Variants in COL4A2 observed in about 807,000 individuals in gnomAD.
The protein encoded by COL4A2 is collagen type IV alpha 2 chain.
COL4A2 carries 99 observed loss-of-function variants against 200.2 expected under a neutral mutation model. The ratio of observed to expected loss-of-function variants is 0.49; its 90% CI spans 0.42 to 0.58. COL4A2 has a LOEUF of 0.58. COL4A2 is among the 20% of genes least tolerant of loss of function. The pLI, the probability that COL4A2 is intolerant of heterozygous loss-of-function variation, is 0.00. For synonymous variants in COL4A2, 897 were observed against 900.6 expected (o/e 1.00, Z 0.07); for missense variants, 1,950 against 2,314.1 (o/e 0.84, Z 3.23).
chr13:110,443,392 C>T (rs1205245427), intron 16 of COL4A2, among the ~76,000 whole-genome samples: 2 of 152,186 alleles, frequency 1.3e-5, no homozygotes, highest in Non-Finnish European at 2.9e-5. Flanking sequence ...AAAAGCCTAG[C>T]CATACATTCT....
chr13:110,436,681 C>T lies in COL4A2; in HGVS notation c.825+314C>T, dbSNP rs75117720. On this transcript the variant is annotated intron_variant, in intron 13 of 47. Coordinates refer to ENST00000360467, the MANE Select transcript of COL4A2 (RefSeq NM_001846.4). Reference sequence around the variant, plus strand: ...TGTAGGTGGAGGCTAATGGTCATACCGTAATTCAAAGCCAGAATCATGGAA... The same window carrying T: ...TGTAGGTGGAGGCTAATGGTCATACTGTAATTCAAAGCCAGAATCATGGAA... Among the ~76,000 whole-genome samples, 503 of 151,490 alleles carry T rather than the reference C, an allele frequency of 3.3e-3. 2 individuals carry two copies. The highest frequency in any genetic ancestry group is 0.012 in the African/African-American group (486 of 41,236).
Position 110,307,933 on chromosome 13 carries a change from C to T in COL4A2, c.30C>T (p.Gly10=). The T allele has an allele frequency of 6.2e-7, 1 of 1,612,978 alleles. No individual in the cohort carries two copies. The highest frequency in any genetic ancestry group is 8.5e-7 in the Non-Finnish European group (1 of 1,179,724). ...GGAGAGACCAGCGCGCGGTGGCCGGCCCTGCCCTACGGCGGTAAGCGACTT... is the reference window on the plus strand; with the variant it reads ...GGAGAGACCAGCGCGCGGTGGCCGGTCCTGCCCTACGGCGGTAAGCGACTT... The part of the protein sequence containing the change: MGRDQRAVA[G]PALRRWLLLG... Residue 10 remains glycine, a synonymous_variant, in exon 2 of 48, where the codon GGC becomes GGT. Coordinates refer to ENST00000360467, the MANE Select transcript of COL4A2 (RefSeq NM_001846.4). The surrounding 1 kb of genome is among the most constrained non-coding windows in gnomAD (Gnocchi z 5.0).
chr13:110,402,310 G>C (rs1879399278), intron 4 of COL4A2, among the ~76,000 whole-genome samples: 1 of 152,184 alleles, frequency 6.6e-6, no homozygotes, highest in South Asian at 2.1e-4. Flanking sequence ...ACAGGCATAA[G>C]ACAGACATTT....
chr13:110,347,979 G>A (rs1329253490), intron 3 of COL4A2, among the ~76,000 whole-genome samples: 2 of 152,224 alleles, frequency 1.3e-5, no homozygotes, highest in African/African-American at 2.4e-5. Flanking sequence ...CATTCCTCAG[G>A]TATTCGTCTG....
chr13:110,503,883 G>T lies in COL4A2; in HGVS notation c.4175G>T (p.Gly1392Val). ...ACTGTGGGAGCCCCCGGGATTGCAG[G>T]AATCCCCCAGAAGATTGCCGTCCAA... ...PGTVGAPGIA[G>V]IPQKIAVQPG... The change falls in exon 44 of 48, where the codon GGA becomes GTA. Residue 1392 changes from glycine to valine, a missense_variant. Around this residue, in one of 2 missense-constraint regions of COL4A2, gnomAD observed 1,385 missense variants for 1,720.5 expected, o/e 0.80. Transcript: ENST00000360467. 1 of 1,613,768 alleles carries T rather than the reference G, an allele frequency of 6.2e-7. No homozygotes were observed. Among genetic ancestry groups the T allele is most frequent in the South Asian group, 1.1e-5 (1 of 91,048 alleles).
Position 110,308,065 on chromosome 13 carries a change from G to T in COL4A2, c.45-4G>T. On this transcript the variant is annotated splice_region_variant and splice_polypyrimidine_tract_variant and intron_variant, in intron 2 of 47. Coordinates refer to ENST00000360467, the MANE Select transcript of COL4A2 (RefSeq NM_001846.4). Reference sequence around the variant, plus strand: ...ACGTCTCTCTTCCTCCCTTTCCCATGCAGGTGGCTGCTGCTGGGGACAGTG... The same window carrying T: ...ACGTCTCTCTTCCTCCCTTTCCCATTCAGGTGGCTGCTGCTGGGGACAGTG... The T allele has an allele frequency of 6.2e-7, 1 of 1,613,776 alleles. No homozygotes were observed. Among genetic ancestry groups the T allele is most frequent in the African/African-American group, 1.3e-5 (1 of 75,056 alleles).
chr13:110,365,106 AG>A (rs1391398558), intron 4 of COL4A2, among the ~76,000 whole-genome samples: 1 of 151,866 alleles, frequency 6.6e-6, no homozygotes, highest in Non-Finnish European at 1.5e-5. Context: ...TGCCTGTGTT[AG>A]GGGCCAAGTT....
chr13:110,506,588 G>A lies in COL4A2; in HGVS notation c.4576G>A (p.Ala1526Thr). 6.2e-7 allele frequency: 1 copy of A among 1,612,140 alleles called. No homozygotes were observed. The change falls in exon 46 of 48, where the codon GCG becomes ACG. Residue 1526 changes from alanine (A) to threonine (T), a missense_variant. Transcript: ENST00000360467. ...GCTGTACTTCGAGGGCCAGGAGAAGGCGCACAACCAGGACCTGGGTAGGTA... is the reference window on the plus strand; with the variant it reads ...GCTGTACTTCGAGGGCCAGGAGAAGACGCACAACCAGGACCTGGGTAGGTA... Reference protein sequence around the residue: ...SLLYFEGQEKAHNQDLGLAGS... With the variant: ...SLLYFEGQEKTHNQDLGLAGS...
intron 4 of COL4A2, among the ~76,000 whole-genome samples, chr13:110,409,182 TAC>T (rs1879732307): frequency 6.6e-6 from 1 of 151,550 alleles, no homozygotes; most frequent in Non-Finnish European, 1.5e-5. Flanking sequence ...TGTACACACA[TAC>T]ACGCACATAT....
intron 22 of COL4A2, among the ~76,000 whole-genome samples, chr13:110,461,356 T>C (rs1882019196): frequency 6.6e-6 from 1 of 152,230 alleles, no homozygotes; most frequent in African/African-American, 2.4e-5. Flanking sequence ...CGTGGATCCC[T>C]GGGGCCTCTG....
chr13:110,312,483 A>G (rs891469853), intron 3 of COL4A2, among the ~76,000 whole-genome samples: 1 of 152,240 alleles, frequency 6.6e-6, no homozygotes, highest in Non-Finnish European at 1.5e-5. Flanking sequence ...TGTAGTTTAA[A>G]TAATAGAGAA....
chr13:110,319,866 G>T (rs1885233552), intron 3 of COL4A2, among the ~76,000 whole-genome samples: 1 of 152,126 alleles, frequency 6.6e-6, no homozygotes, highest in Admixed American at 6.5e-5. Context: ...GATTTCCTTA[G>T]TCTTAGTCAT....
At chr13:110,432,302 C>A in intron 10 of COL4A2, 23 bp from the exon 11 acceptor site, 1 of 1,598,608 alleles carries the variant, frequency 6.3e-7, no homozygotes, top group Non-Finnish European at 8.5e-7. Flanking sequence ...AAACCATTTA[C>A]ACATTTCTTT....
chr13:110,413,535 G>A (rs1047445720), intron 4 of COL4A2, among the ~76,000 whole-genome samples: 6 of 152,242 alleles, frequency 3.9e-5, no homozygotes, highest in Admixed American at 3.9e-4. Flanking sequence ...AGCGAGGGCT[G>A]CGTGTGCCAT....
At chr13:110,440,108 C>T (rs968437994) in intron 16 of COL4A2, among the ~76,000 whole-genome samples, 2 of 152,200 alleles carry the variant, frequency 1.3e-5, no homozygotes, top group Admixed American at 6.5e-5. Context: ...ATCGTCCAAC[C>T]TCACACCCCT....
chr13:110,394,421 A>G (rs1208198900), intron 4 of COL4A2, among the ~76,000 whole-genome samples: 3 of 152,250 alleles, frequency 2.0e-5, no homozygotes, highest in Non-Finnish European at 4.4e-5. Flanking sequence ...TCGCACAAGT[A>G]GAGAGAGGAA....
intron 3 of COL4A2, among the ~76,000 whole-genome samples, chr13:110,335,795 C>T (rs1876154205): frequency 6.6e-6 from 1 of 152,220 alleles, no homozygotes; most frequent in Admixed American, 6.5e-5. Context: ...AGATGCCTTT[C>T]TTCTATGGAG....
At chr13:110,414,363 C>T (rs1298025409) in intron 4 of COL4A2, among the ~76,000 whole-genome samples, 8 of 152,156 alleles carry the variant, frequency 5.3e-5, no homozygotes, top group Admixed American at 5.2e-4. Context: ...ATAAATTCTT[C>T]CCAGGCTCCT....
chr13:110,376,458 A>G (rs1478840868), intron 4 of COL4A2, among the ~76,000 whole-genome samples: 3 of 152,076 alleles, frequency 2.0e-5, no homozygotes, highest in African/African-American at 7.2e-5. Context: ...TCATTATTCC[A>G]TAATCATTAG....
Sources: gnomAD v4.1 joint callset for allele counts (sites outside exome capture counted in the v4.1 genomes callset) on GRCh38, gnomAD v4.1.1 for gene constraint, gnomAD v4.1.1 regional missense constraint, Gnocchi (gnomAD v3.1) non-coding constraint, MANE v1.5 for transcripts, NCBI Gene and HGNC (gene_info 2026-07-23, HGNC 2026-07-21) for gene names.